The following ATP10B variants were observed in gnomAD, a reference collection of about 807,000 sequenced individuals.
ATP10B encodes ATPase phospholipid transporting 10B (putative).
ATP10B carries 122 observed loss-of-function variants against 141.2 expected under a neutral mutation model. The observed-to-expected ratio is 0.86, with a 90% confidence interval of 0.75 to 1.00. The LOEUF (loss-of-function observed/expected upper bound fraction) is 1.00. Ranked by LOEUF, ATP10B falls within the 50% of genes least tolerant of loss-of-function variation. The pLI is 0.00. For missense variants in ATP10B, 1,876 were observed against 1,825.3 expected, an observed-to-expected ratio of 1.03 and a Z score of -0.51; for synonymous variants, 685 against 692.0, an observed-to-expected ratio of 0.99 and a Z score of 0.16.
At position 160,696,332 on chromosome 5, in the gene ATP10B, C is replaced by T. The variant is rs143121356; in HGVS notation, c.-204-7389G>A. 6.6e-3 allele frequency among the ~76,000 whole-genome samples: 1,010 copies of T among 152,196 alleles called. 13 individuals are homozygous for T. The highest frequency in any genetic ancestry group is 0.022 in the African/African-American group (899 of 41,532). ...CCATTTTGGCCAGGCTGGTCTTGAA[C>T]TCCTGACCTCAGGTGATCCACCCAC... On this transcript the variant is annotated intron_variant, in intron 3 of 25. Coordinates refer to ENST00000327245, the MANE Select transcript of ATP10B (RefSeq NM_025153.3).
intron 6 of ATP10B, among the ~76,000 whole-genome samples, chr5:160,673,164 T>G (rs1029951805): frequency 1.3e-5 from 2 of 152,216 alleles, no homozygotes; most frequent in African/African-American, 4.8e-5. Context: ...GATGCGTCTG[T>G]AGCATTTTAG....
At chr5:160,802,671 T>C (rs1213906026) in intron 1 of ATP10B, among the ~76,000 whole-genome samples, 1 of 152,224 alleles carries the variant, frequency 6.6e-6, no homozygotes, top group Non-Finnish European at 1.5e-5. Context: ...CTTAAGGCAC[T>C]TGAGTTCTTT....
chr5:160,572,440 A>T (rs577586433), intron 24 of ATP10B, among the ~76,000 whole-genome samples: 1 of 152,148 alleles, frequency 6.6e-6, no homozygotes, highest in Non-Finnish European at 1.5e-5. Context: ...TTATTTTAGT[A>T]GCTGACTCCT....
At chr5:160,911,125 G>C in the ATP10B span, among the ~76,000 whole-genome samples, 1 of 152,230 alleles carries the variant, frequency 6.6e-6, no homozygotes, top group Non-Finnish European at 1.5e-5. Context: ...GCCAGTGGTA[G>C]AGGCTGACTT....
At chr5:160,598,644 T>C (rs948317171) in intron 22 of ATP10B, 126 bp downstream of exon 22, 2 of 824,788 alleles carry the variant, frequency 2.4e-6, no homozygotes, top group South Asian at 1.7e-5. Context: ...AAGTAAATGA[T>C]GGAACAGTGG....
intron 3 of ATP10B, among the ~76,000 whole-genome samples, chr5:160,697,092 TGAAACTA>T (rs1764409785): frequency 2.0e-5 from 3 of 152,270 alleles, no homozygotes; most frequent in Admixed American, 2.0e-4. Context: ...AATAAATTTT[TGAAACTA>T]GATTGTTTCA....
the ATP10B span, among the ~76,000 whole-genome samples, chr5:160,911,617 C>A: frequency 3.9e-5 from 6 of 152,300 alleles, no homozygotes; most frequent in East Asian, 1.2e-3. Flanking sequence ...TGTGAGTCTG[C>A]TGCATTGATA....
chr5:160,887,108 C>T, the ATP10B span, among the ~76,000 whole-genome samples: 6 of 152,124 alleles, frequency 3.9e-5, no homozygotes, highest in African/African-American at 1.2e-4. Context: ...TTTTCAATTG[C>T]TGTTAAGGCT....
intron 2 of ATP10B, among the ~76,000 whole-genome samples, chr5:160,753,529 T>A (rs937433343): frequency 6.6e-6 from 1 of 152,218 alleles, no homozygotes; most frequent in Non-Finnish European, 1.5e-5. Flanking sequence ...ACATGTAGAA[T>A]GTGTCATTCC....
At chr5:160,627,379 C>T (rs555036880) in intron 13 of ATP10B, among the ~76,000 whole-genome samples, 1 of 152,306 alleles carries the variant, frequency 6.6e-6, no homozygotes, top group African/African-American at 2.4e-5. Flanking sequence ...GACTTTATGT[C>T]CCTAGTCTCT....
chr5:160,830,991 A>ACT lies in ATP10B; in HGVS notation c.-576+20949_-576+20950insAG, dbSNP rs67645010. Reference sequence around the variant, plus strand: ...CACAAACACACACACACACACACACACACACACAGAGTGGACAGAATAGTG... The same window carrying ACT: ...CACAAACACACACACACACACACACACTCACACACAGAGTGGACAGAATAGTG... On this transcript the variant is annotated intron_variant, in intron 1 of 25. Transcript: ENST00000327245. 3.2e-3 allele frequency among the ~76,000 whole-genome samples: 484 copies of ACT among 150,094 alleles called. 6 individuals are homozygous for ACT. The East Asian group carries it at 0.039, about 12-fold the overall frequency.
At chr5:160,578,480 G>T (rs1755335038) in intron 24 of ATP10B, among the ~76,000 whole-genome samples, 1 of 152,018 alleles carries the variant, frequency 6.6e-6, no homozygotes, top group South Asian at 2.1e-4. Context: ...TGAGAATGAT[G>T]GTTTCCAGCT....
intron 11 of ATP10B, 45 bp from the exon 12 acceptor site, chr5:160,634,651 C>T (rs370591339): frequency 1.0e-5 from 16 of 1,555,268 alleles, no homozygotes; most frequent in Non-Finnish European, 1.4e-5. Context: ...AGGCAGGTTC[C>T]CTCCCTTGGG....
Position 160,622,933 on chromosome 5 carries a change from C to T in ATP10B, c.1621-348G>A, listed in dbSNP as rs543417832. On this transcript the variant is annotated intron_variant, in intron 13 of 25. Coordinates refer to ENST00000327245, the MANE Select transcript of ATP10B (RefSeq NM_025153.3). Reference sequence around the variant, plus strand: ...TCTCACCTTTTTTTTTCTAATCCTTCCTATGTATCACCTGCACAGTCTTCT... The same window carrying T: ...TCTCACCTTTTTTTTTCTAATCCTTTCTATGTATCACCTGCACAGTCTTCT... 3.3e-5 allele frequency among the ~76,000 whole-genome samples: 5 copies of T among 152,234 alleles called. No homozygotes were observed. The East Asian group carries it at 7.7e-4, about 24-fold the overall frequency.
At chr5:160,871,333 A>G in the ATP10B span, among the ~76,000 whole-genome samples, 2 of 152,162 alleles carry the variant, frequency 1.3e-5, no homozygotes, top group African/African-American at 4.8e-5. Flanking sequence ...AATTGTTGTT[A>G]TAATGTACTC....
chr5:160,898,617 C>T, the ATP10B span, among the ~76,000 whole-genome samples: 3 of 152,160 alleles, frequency 2.0e-5, no homozygotes, highest in African/African-American at 7.2e-5. Flanking sequence ...ACCAGAAATA[C>T]CATTTGACTC....
intron 13 of ATP10B, among the ~76,000 whole-genome samples, chr5:160,624,557 A>G (rs937238541): frequency 6.6e-6 from 1 of 152,192 alleles, no homozygotes; most frequent in East Asian, 1.9e-4. Flanking sequence ...CATCCATACC[A>G]TGTGGTGTCA....
chr5:160,640,557 G>A lies in ATP10B; in HGVS notation c.904C>T (p.Pro302Ser), dbSNP rs773065888. Residue 302 changes from proline (P) to serine (S), a missense_variant, in exon 10 of 26, where the codon CCC becomes TCC. Coordinates refer to ENST00000327245, the MANE Select transcript of ATP10B (RefSeq NM_025153.3). ...ETKAMLNNSG[P>S]RYKRSKIERR... ...TCAATCTTGCTGCGTTTGTACCGGG[G>A]GCCACTGTTGTTCAGCATGGCTTTC... is the stretch of plus-strand genomic sequence containing the variant. 6.2e-6 allele frequency: 10 copies of A among 1,614,078 alleles called. No individual in the cohort carries two copies. In the Admixed American group the frequency reaches 1.5e-4, roughly 24 times the overall value.
intron 8 of ATP10B, 119 bp from the exon 9 acceptor site, chr5:160,644,363 A>G: frequency 1.4e-6 from 1 of 715,194 alleles, no homozygotes; most frequent in Non-Finnish European, 2.5e-6. Flanking sequence ...CTGTTTTTTC[A>G]GAAGAGTGAT....
Sources: allele counts gnomAD v4.1 joint callset (sites outside exome capture counted in the v4.1 genomes callset), GRCh38; gene constraint gnomAD v4.1.1; transcripts MANE v1.5; gene names NCBI Gene and HGNC (gene_info 2026-07-23, HGNC 2026-07-21).